Variants in MYO18A observed in about 807,000 individuals in gnomAD.
MYO18A encodes the protein unconventional myosin-XVIIIa.
MYO18A carries 78 observed loss-of-function variants against 235.8 expected under a neutral mutation model. The ratio of observed to expected loss-of-function variants is 0.33; its 90% CI spans 0.28 to 0.40. The LOEUF (loss-of-function observed/expected upper bound fraction) is 0.40. MYO18A is among the 10% of genes least tolerant of loss of function. The pLI is 1.00. For missense variants in MYO18A, 2,215 were observed against 2,699.3 expected, an observed-to-expected ratio of 0.82 and a Z score of 3.98; for synonymous variants, 977 against 1,077.8, an observed-to-expected ratio of 0.91 and a Z score of 1.83.
rs374450278 is a variant in MYO18A, at chr17:29,107,053, G to A, written c.3441+27C>T. ...GCTGCTTGAGGGGCCTGGGCAGAGG[G>A]AGAGCGGTCTGGGGACCTGGACCTA... is the stretch of plus-strand genomic sequence containing the variant. On this transcript the variant is annotated intron_variant, in intron 20 of 41. Transcript: ENST00000527372. The A allele has an allele frequency of 3.7e-5, 59 of 1,603,710 alleles. 2 individuals carry two copies. In the Middle Eastern group the frequency reaches 9.9e-4, roughly 27 times the overall value.
intron 20 of MYO18A, among the ~76,000 whole-genome samples, chr17:29,105,933 C>G (rs1351845728): frequency 6.6e-6 from 1 of 152,122 alleles, no homozygotes; most frequent in Non-Finnish European, 1.5e-5. Flanking sequence ...GGGAGTTGGG[C>G]AGGCCAGGTG....
At chr17:29,137,821 A>G (rs1242326718) in intron 2 of MYO18A, among the ~76,000 whole-genome samples, 2 of 152,190 alleles carry the variant, frequency 1.3e-5, no homozygotes, top group African/African-American at 4.8e-5. Context: ...GATCATAATA[A>G]TCTTGTAAAC....
chr17:29,134,219 A>T (rs550258063), intron 2 of MYO18A, among the ~76,000 whole-genome samples: 1 of 152,208 alleles, frequency 6.6e-6, no homozygotes, highest in Non-Finnish European at 1.5e-5. Context: ...CTCCTGCCTC[A>T]GCCTCCCCGG....
chr17:29,176,573 T>C (rs557217360), intron 1 of MYO18A: 1 of 146,430 alleles, frequency 6.8e-6, no homozygotes, highest in African/African-American at 2.5e-5. Context: ...GCCTCTGACC[T>C]CCCTGAGCGG....
chr17:29,116,373 A>G, intron 11 of MYO18A, 71 bp downstream of exon 11: 1 of 1,587,812 alleles, frequency 6.3e-7, no homozygotes, highest in Non-Finnish European at 8.6e-7. Context: ...GCCCGCACAG[A>G]CATATGTGCC....
At chr17:29,159,512 G>GCAAAA (rs1008309813) in intron 2 of MYO18A, among the ~76,000 whole-genome samples, 2 of 152,008 alleles carry the variant, frequency 1.3e-5, no homozygotes, top group African/African-American at 4.8e-5. Context: ...AAAACCCAAA[G>GCAAAA]CAAAACAAAA....
intron 41 of MYO18A, chr17:29,080,463 G>C: frequency 1.0e-6 from 1 of 986,148 alleles, no homozygotes. Flanking sequence ...CCTCTAGGCA[G>C]CTCCGGCCCA....
At position 29,090,490 on chromosome 17, in the gene MYO18A, C is replaced by T. The variant is rs1332747682; in HGVS notation, c.5388+42G>A. ...TGGGGGTTCCTCCCACACCTAGTGA[C>T]CCTGGCACTCTCTCTCTCCTGAGGG... On this transcript the variant is annotated intron_variant, in intron 36 of 41. Coordinates refer to ENST00000527372, the MANE Select transcript of MYO18A (RefSeq NM_078471.4). 2.6e-6 allele frequency: 4 copies of T among 1,532,604 alleles called. No homozygotes were observed. In the African/African-American group the frequency reaches 4.1e-5, roughly 16 times the overall value. 94.9% of individuals were successfully genotyped at this position (1,532,604 alleles called of 1,614,324 possible). A position where few individuals can be genotyped will look rare whatever the true frequency, so the allele number is the denominator to read the frequency against.
chr17:29,152,702 A>T (rs1289099354), intron 2 of MYO18A, among the ~76,000 whole-genome samples: 1 of 152,080 alleles, frequency 6.6e-6, no homozygotes, highest in Non-Finnish European at 1.5e-5. Context: ...AGACAGATTA[A>T]TGAGGATGAT....
intron 2 of MYO18A, among the ~76,000 whole-genome samples, chr17:29,129,604 T>G (rs960296596): frequency 7.9e-5 from 12 of 152,230 alleles, no homozygotes; most frequent in African/African-American, 2.9e-4. Context: ...GAGCTGTGCT[T>G]GAGTCCTTGT....
intron 1 of MYO18A, among the ~76,000 whole-genome samples, chr17:29,169,810 G>A (rs887791659): frequency 1.3e-5 from 2 of 151,880 alleles, no homozygotes; most frequent in Non-Finnish European, 2.9e-5. Context: ...CCCAATTCTC[G>A]GTCTATAATG....
In MYO18A at chr17:29,111,316, A is replaced by G; in HGVS notation, c.2900+108T>C. On this transcript the variant is annotated intron_variant, in intron 17 of 41. Transcript: ENST00000527372. This position sits in a 1 kb window ranked among gnomAD's most constrained non-coding sequence, Gnocchi z 5.1. ...CTGTTGCCTCTCAGGAATAAAGGCC[A>G]TCTACTTTGCTAGTGAGGGGGCCTC... The G allele has an allele frequency of 7.7e-7, 1 of 1,306,736 alleles. No individual in the cohort carries two copies. Among genetic ancestry groups the G allele is most frequent in the Non-Finnish European group, 1.1e-6 (1 of 946,928 alleles). The allele number at this position is 1,306,736 out of a possible 1,614,324, so 80.9% of individuals were successfully genotyped here.
chr17:29,140,219 T>C lies in MYO18A; in HGVS notation c.1000-17966A>G. On this transcript the variant is annotated intron_variant, in intron 2 of 41. Coordinates refer to ENST00000527372, the MANE Select transcript of MYO18A (RefSeq NM_078471.4). This position sits in a 1 kb window ranked among gnomAD's most constrained non-coding sequence, Gnocchi z 4.2. ...AGGAGCCCCAAGGCTGCCCCACCCC[T>C]CTCCCCACCTACTTCAGCCACATCT... 1.5e-6 allele frequency: 1 copy of C among 645,592 alleles called. No individual in the cohort carries two copies. Among genetic ancestry groups the C allele is most frequent in the Non-Finnish European group, 2.1e-6 (1 of 467,094 alleles). 40.0% of individuals were successfully genotyped at this position (645,592 alleles called of 1,614,324 possible).
At chr17:29,148,537 G>A (rs151017827) in intron 2 of MYO18A, among the ~76,000 whole-genome samples, 1 of 152,198 alleles carries the variant, frequency 6.6e-6, no homozygotes, top group East Asian at 1.9e-4. Context: ...AAATGCCAGC[G>A]CAGGAGTCCC....
chr17:29,170,000 G>C (rs898393507), intron 1 of MYO18A, among the ~76,000 whole-genome samples: 4 of 152,184 alleles, frequency 2.6e-5, no homozygotes, highest in African/African-American at 9.6e-5. Context: ...GCAGCACAAG[G>C]GATGGCGCTG....
intron 2 of MYO18A, among the ~76,000 whole-genome samples, chr17:29,134,412 C>A (rs28469431): frequency 0.016 from 2,415 of 152,150 alleles, 77 homozygotes; most frequent in African/African-American, 0.055. Flanking sequence ...TAAGCCACTT[C>A]GCCTCTTTGG....
chr17:29,087,133 G>A lies in MYO18A; in HGVS notation c.5527-12C>T. The A allele has an allele frequency of 6.2e-7, 1 of 1,608,216 alleles. No homozygotes were observed. ...CGGCTAGCCAGGCTCTGGATAGGTAGGTGGGGAAGAAAGACACAGCAGGCA... is the reference window on the plus strand; with the variant it reads ...CGGCTAGCCAGGCTCTGGATAGGTAAGTGGGGAAGAAAGACACAGCAGGCA... On this transcript the variant is annotated splice_polypyrimidine_tract_variant and intron_variant, in intron 37 of 41. Coordinates refer to ENST00000527372, the MANE Select transcript of MYO18A (RefSeq NM_078471.4).
intron 2 of MYO18A, among the ~76,000 whole-genome samples, chr17:29,130,575 G>A (rs1371467643): frequency 2.0e-5 from 3 of 150,800 alleles, no homozygotes; most frequent in African/African-American, 7.3e-5. Flanking sequence ...TTGCAGATCA[G>A]GTGGAAGCCA....
chr17:29,110,691 C>T (rs1568075158), intron 17 of MYO18A, 69 bp from the exon 18 acceptor site: 3 of 1,486,696 alleles, frequency 2.0e-6, no homozygotes, highest in East Asian at 4.7e-5. Flanking sequence ...CCGCTCCTCC[C>T]CCAAGGCCCC....
Sources: allele counts gnomAD v4.1 joint callset (sites outside exome capture counted in the v4.1 genomes callset), GRCh38; gene constraint gnomAD v4.1.1; non-coding constraint Gnocchi (gnomAD v3.1); transcripts MANE v1.5; gene names NCBI Gene and HGNC (gene_info 2026-07-23, HGNC 2026-07-21).